SOX6: variants seen among roughly 807,000 people sequenced by gnomAD.
SOX6 encodes transcription factor SOX-6.
Under a neutral mutation model 97.8 loss-of-function variants are expected in SOX6, and 11 were observed. The observed-to-expected ratio is 0.11, with a 90% CI of 0.07 to 0.19. The LOEUF is 0.19. SOX6 is among the 10% of genes least tolerant of loss of function. SOX6 has a pLI of 1.00. For missense variants in SOX6, 810 were observed against 1,039.5 expected, an observed-to-expected ratio of 0.78 and a Z score of 3.04; for synonymous variants, 360 against 371.4, an observed-to-expected ratio of 0.97 and a Z score of 0.35.
upstream of SOX6, among the ~76,000 whole-genome samples, chr11:16,477,621 C>T (rs1247000454): frequency 3.3e-5 from 5 of 152,080 alleles, no homozygotes; most frequent in African/African-American, 1.2e-4. Flanking sequence ...GAGGCTGAGG[C>T]GAGTGGATTG....
chr11:16,250,044 G>A (rs1853461101), intron 3 of SOX6, among the ~76,000 whole-genome samples: 1 of 152,166 alleles, frequency 6.6e-6, no homozygotes, highest in African/African-American at 2.4e-5. Context: ...CAGAGGGGAA[G>A]CCAAACTTTA....
intron 3 of SOX6, among the ~76,000 whole-genome samples, chr11:16,683,637 A>T (rs956831884): frequency 6.6e-6 from 1 of 152,240 alleles, no homozygotes; most frequent in African/African-American, 2.4e-5. Flanking sequence ...AAACCCTAGA[A>T]GAAAACCTAG....
intron 6 of SOX6, among the ~76,000 whole-genome samples, chr11:16,174,114 T>C (rs923283518): frequency 6.6e-6 from 1 of 150,832 alleles, no homozygotes; most frequent in African/African-American, 2.4e-5. Context: ...ATTAGATCCA[T>C]AGTGCTTGTG....
chr11:16,402,533 A>G (rs1400408591), intron 1 of SOX6: 1 of 953,734 alleles, frequency 1.0e-6, no homozygotes, highest in East Asian at 2.5e-5. Context: ...TTGATGGCCC[A>G]CAGAAGCAAA....
intron 4 of SOX6, among the ~76,000 whole-genome samples, chr11:16,204,577 A>AG (rs1204447936): frequency 4.3e-5 from 5 of 115,852 alleles, no homozygotes; most frequent in African/African-American, 1.6e-4. Context: ...AAAGAAAGAA[A>AG]AAAAACAACT....
At chr11:16,327,946 C>T (rs980644007) in intron 2 of SOX6, among the ~76,000 whole-genome samples, 9 of 152,152 alleles carry the variant, frequency 5.9e-5, no homozygotes, top group African/African-American at 2.2e-4. Context: ...TGTACCCTTT[C>T]CTGTATCCAG....
intron 3 of SOX6, among the ~76,000 whole-genome samples, chr11:16,689,622 A>C (rs778239866): frequency 2.6e-5 from 4 of 152,240 alleles, no homozygotes; most frequent in Non-Finnish European, 4.4e-5. Flanking sequence ...CTTGGCATTC[A>C]CTGAATAAAT....
intron 2 of SOX6, among the ~76,000 whole-genome samples, chr11:16,339,433 T>TTTGA (rs1856560113): frequency 6.6e-6 from 1 of 151,964 alleles, no homozygotes; most frequent in Non-Finnish European, 1.5e-5. Context: ...AAATACTTCA[T>TTTGA]ACATGCTGTT....
intron 3 of SOX6, among the ~76,000 whole-genome samples, chr11:16,615,049 C>G (rs7935139): frequency 6.6e-6 from 1 of 152,116 alleles, no homozygotes; most frequent in Non-Finnish European, 1.5e-5. Flanking sequence ...GCCCCCAAGC[C>G]GGACCCCACT....
chr11:16,660,042 A>C lies in SOX6; in HGVS notation n.430-47782T>G, dbSNP rs1352794388. ...TGGTTAGACTATCTGGAGGCTTATC[A>C]ATTTTATTAATCTTTTCAAAGAGCC... On this transcript the variant is annotated intron_variant and non_coding_transcript_variant, in intron 3 of 5. Coordinates refer to the SOX6 transcript ENST00000524520. Among the ~76,000 whole-genome samples, 4 of 152,160 alleles carry C rather than the reference A, an allele frequency of 2.6e-5. No individual in the cohort carries two copies. In the East Asian group the frequency reaches 7.7e-4, roughly 29 times the overall value.
intron 4 of SOX6, among the ~76,000 whole-genome samples, chr11:16,572,042 C>T (rs1019790181): frequency 7.2e-5 from 11 of 152,254 alleles, no homozygotes; most frequent in East Asian, 3.9e-4. Flanking sequence ...CATAATCAAA[C>T]GCACGAATAC....
chr11:16,357,877 GAAT>G (rs1857114535), upstream of SOX6, among the ~76,000 whole-genome samples: 1 of 152,126 alleles, frequency 6.6e-6, no homozygotes, highest in Non-Finnish European at 1.5e-5. Flanking sequence ...CATAGGTCAA[GAAT>G]AATAAAAGCA....
At chr11:16,493,570 T>C (rs181083092) in intron 4 of SOX6, among the ~76,000 whole-genome samples, 1 of 152,218 alleles carries the variant, frequency 6.6e-6, no homozygotes, top group Non-Finnish European at 1.5e-5. Flanking sequence ...GGGTGGTAGT[T>C]ACACAGATAT....
At chr11:16,337,587 C>T (rs538260123) in intron 2 of SOX6, among the ~76,000 whole-genome samples, 52 of 152,198 alleles carry the variant, frequency 3.4e-4, no homozygotes, top group Non-Finnish European at 5.9e-4. Flanking sequence ...AAGGTATTGG[C>T]ACACTGGGTG....
In SOX6 at chr11:16,501,098, G is replaced by C. The variant is rs533056348; in HGVS notation, n.610-24710C>G. Among the ~76,000 whole-genome samples the C allele has an allele frequency of 6.1e-3, 925 of 152,234 alleles. 4 individuals are homozygous for C. Among genetic ancestry groups the C allele is most frequent in the Non-Finnish European group, 9.5e-3 (648 of 68,024 alleles). ...CAGTAACCAAAACAGCATGGTACTG[G>C]TACCAAAACAGATATATAGACCAAT... On this transcript the variant is annotated intron_variant and non_coding_transcript_variant, in intron 4 of 5. Transcript: ENST00000524520.
At chr11:16,319,844 C>CTT (rs11432524) in intron 2 of SOX6, among the ~76,000 whole-genome samples, 180 of 146,970 alleles carry the variant, frequency 1.2e-3, no homozygotes, top group Non-Finnish European at 2.1e-3. Context: ...TTATAAACGT[C>CTT]TTTTTTTTTT....
intron 7 of SOX6, among the ~76,000 whole-genome samples, chr11:16,105,349 A>T (rs1032342744): frequency 6.6e-6 from 1 of 152,070 alleles, no homozygotes; most frequent in Non-Finnish European, 1.5e-5. Context: ...ATCATAAAAA[A>T]TTCTCAGAAA....
intron 3 of SOX6, among the ~76,000 whole-genome samples, chr11:16,615,675 CAT>C (rs1424007369): frequency 2.6e-5 from 4 of 152,166 alleles, no homozygotes; most frequent in African/African-American, 7.2e-5. Flanking sequence ...AAAAAACATA[CAT>C]GTCAGCTATA....
intron 11 of SOX6, among the ~76,000 whole-genome samples, chr11:16,049,355 T>C (rs986947041): frequency 8.6e-5 from 13 of 151,586 alleles, no homozygotes; most frequent in African/African-American, 3.2e-4. Flanking sequence ...AAAAGTCATA[T>C]GGGATAAGAT....
Sources: allele counts gnomAD v4.1 joint callset (sites outside exome capture counted in the v4.1 genomes callset), GRCh38; gene constraint gnomAD v4.1.1; transcripts MANE v1.5; gene names NCBI Gene and HGNC (gene_info 2026-07-23, HGNC 2026-07-21).